Variants in CBLN2 observed in about 807,000 individuals in gnomAD.
The protein encoded by CBLN2 is cerebellin-2.
In CBLN2, 7 loss-of-function variants were observed where a neutral mutation model predicts 15.0. That is an observed-to-expected ratio of 0.47 (90% CI 0.27 to 0.88). The LOEUF (loss-of-function observed/expected upper bound fraction) is 0.88. Among genes scored for constraint, CBLN2 ranks in the 40% least tolerant of loss-of-function variants. The pLI, the probability that CBLN2 is intolerant of heterozygous loss-of-function variation, is 0.14. For synonymous variants in CBLN2, 149 were observed against 135.2 expected, an observed-to-expected ratio of 1.10 and a Z score of -0.71; for missense variants, 242 against 304.5, an observed-to-expected ratio of 0.79 and a Z score of 1.53.
At chr18:72,593,657 G>GT (rs925595307) in intron 1 of CBLN2, among the ~76,000 whole-genome samples, 7 of 152,030 alleles carry the variant, frequency 4.6e-5, no homozygotes, top group African/African-American at 1.7e-4. Flanking sequence ...TCATATATGG[G>GT]TTTTATCATG....
intron 1 of CBLN2, among the ~76,000 whole-genome samples, chr18:72,624,158 G>C (rs1203736366): frequency 6.6e-6 from 1 of 151,574 alleles, no homozygotes; most frequent in African/African-American, 2.4e-5. Context: ...TCTGAGTTCA[G>C]CACTTTCAGA....
intron 3 of CBLN2, among the ~76,000 whole-genome samples, chr18:72,541,491 C>G (rs1006387003): frequency 1.3e-5 from 2 of 152,202 alleles, no homozygotes; most frequent in Admixed American, 6.5e-5. Flanking sequence ...ACGTGCAATG[C>G]TTCCTTTTGG....
rs1283438424 is a variant in CBLN2, at chr18:72,538,383, A to G, written c.478-10T>C. On this transcript the variant is annotated splice_polypyrimidine_tract_variant and intron_variant, in intron 4 of 4. Transcript: ENST00000269503. ...TCTGCATTAAACTGACCTAAAATGC[A>G]GAGAGTAGAGCTCAGCAGACCATAA... 6 of 1,613,666 alleles carry G rather than the reference A, an allele frequency of 3.7e-6. No individual in the cohort carries two copies. Among genetic ancestry groups the G allele is most frequent in the Non-Finnish European group, 5.1e-6 (6 of 1,179,820 alleles).
upstream of CBLN2, among the ~76,000 whole-genome samples, chr18:72,546,802 A>G (rs1442722661): frequency 3.3e-5 from 5 of 152,210 alleles, no homozygotes; most frequent in Admixed American, 3.3e-4. Flanking sequence ...TTAGGGAAAA[A>G]TGTGGGAAGG....
intron 1 of CBLN2, among the ~76,000 whole-genome samples, chr18:72,615,167 A>G (rs866623467): frequency 7.5e-6 from 1 of 134,106 alleles, no homozygotes; most frequent in Admixed American, 8.0e-5. Flanking sequence ...AAATATATAT[A>G]AATATATATT....
chr18:72,577,213 C>A (rs1406566927), intron 1 of CBLN2, among the ~76,000 whole-genome samples: 1 of 150,876 alleles, frequency 6.6e-6, no homozygotes, highest in Non-Finnish European at 1.5e-5. Flanking sequence ...AAATATTGTG[C>A]TAATATGTTA....
At chr18:72,590,986 G>A (rs1368686414) in intron 1 of CBLN2, among the ~76,000 whole-genome samples, 7 of 152,138 alleles carry the variant, frequency 4.6e-5, no homozygotes, top group African/African-American at 7.2e-5. Flanking sequence ...GGGCATTGCC[G>A]AAGATAAAGG....
chr18:72,558,751 G>A (rs1410130603), intron 1 of CBLN2, among the ~76,000 whole-genome samples: 1 of 152,128 alleles, frequency 6.6e-6, no homozygotes, highest in Non-Finnish European at 1.5e-5. Flanking sequence ...ATAAGCATAT[G>A]AGGTTTTAAA....
intron 1 of CBLN2, among the ~76,000 whole-genome samples, chr18:72,571,876 G>A (rs1024593684): frequency 9.2e-5 from 14 of 152,100 alleles, no homozygotes; most frequent in African/African-American, 3.4e-4. Flanking sequence ...ATTGATTAAT[G>A]TAAGAGTAAC....
chr18:72,589,485 G>A (rs945326878), intron 1 of CBLN2, among the ~76,000 whole-genome samples: 1 of 152,178 alleles, frequency 6.6e-6, no homozygotes, highest in African/African-American at 2.4e-5. Context: ...CATATGGGCT[G>A]TGGTTAAACT....
At chr18:72,587,651 T>C (rs1203552976) in intron 1 of CBLN2, among the ~76,000 whole-genome samples, 2 of 152,154 alleles carry the variant, frequency 1.3e-5, no homozygotes, top group Non-Finnish European at 2.9e-5. Flanking sequence ...TCAAAGACAA[T>C]GATCATTACA....
chr18:72,616,632 G>A (rs1238337475), intron 1 of CBLN2, among the ~76,000 whole-genome samples: 1 of 152,096 alleles, frequency 6.6e-6, no homozygotes, highest in Non-Finnish European at 1.5e-5. Flanking sequence ...GTGAGCATGT[G>A]GCAATCTCTA....
intron 1 of CBLN2, among the ~76,000 whole-genome samples, chr18:72,583,826 T>A (rs1169522398): frequency 6.6e-6 from 1 of 152,236 alleles, no homozygotes; most frequent in Non-Finnish European, 1.5e-5. Context: ...TCCTGGCATT[T>A]TTCATCTTTG....
chr18:72,598,304 G>C (rs961769238), intron 1 of CBLN2, among the ~76,000 whole-genome samples: 3 of 152,138 alleles, frequency 2.0e-5, no homozygotes, highest in Non-Finnish European at 4.4e-5. Flanking sequence ...AAGGAAATGG[G>C]TTCCCTTCTG....
intron 1 of CBLN2, among the ~76,000 whole-genome samples, chr18:72,622,621 A>C (rs2069708729): frequency 6.6e-6 from 1 of 152,216 alleles, no homozygotes; most frequent in Admixed American, 6.5e-5. Context: ...CCAGCACAGC[A>C]AACATAAGAA....
intron 1 of CBLN2, among the ~76,000 whole-genome samples, chr18:72,601,591 C>G (rs913559146): frequency 6.6e-6 from 1 of 152,192 alleles, no homozygotes; most frequent in Middle Eastern, 3.2e-3. Flanking sequence ...AAACTTGGGT[C>G]AGACTGGAAA....
chr18:72,551,225 AT>A, intron 1 of CBLN2, among the ~76,000 whole-genome samples: 1 of 152,268 alleles, frequency 6.6e-6, no homozygotes, highest in South Asian at 2.1e-4. Flanking sequence ...GACATGTCTA[AT>A]GGGTAAAATG....
At chr18:72,605,803 C>T (rs1288768502) in intron 1 of CBLN2, among the ~76,000 whole-genome samples, 1 of 152,236 alleles carries the variant, frequency 6.6e-6, no homozygotes, top group African/African-American at 2.4e-5. Flanking sequence ...AGATGGGCCT[C>T]ACGGCCCAGC....
chr18:72,576,143 C>G (rs17356188), intron 1 of CBLN2, among the ~76,000 whole-genome samples: 20,937 of 152,196 alleles, frequency 0.14, 1,825 homozygotes, highest in Admixed American at 0.28. Flanking sequence ...TTTACAACGG[C>G]AGGTATTTCT....
Sources: allele counts gnomAD v4.1 joint callset (sites outside exome capture counted in the v4.1 genomes callset), GRCh38; gene constraint gnomAD v4.1.1; transcripts MANE v1.5; gene names NCBI Gene and HGNC (gene_info 2026-07-23, HGNC 2026-07-21).